Variants in ZMYM2 observed in about 807,000 individuals in gnomAD.
ZMYM2 encodes the protein zinc finger MYM-type containing 2, also known as zinc finger MYM-type protein 2.
ZMYM2 carries 56 observed loss-of-function variants against 162.8 expected under a neutral mutation model. That is an observed-to-expected ratio of 0.34 (90% CI 0.28 to 0.43). The LOEUF is 0.43. ZMYM2 is among the 20% of genes least tolerant of loss of function. The probability of loss-of-function intolerance (pLI) is 1.00; values close to 1 mark genes in which losing one functional copy is unlikely to be tolerated. For missense variants in ZMYM2, 1,275 were observed against 1,621.8 expected (o/e 0.79, Z 3.67); for synonymous variants, 510 against 541.6 (o/e 0.94, Z 0.81).
At chr13:20,047,265 A>G (rs1161869119) in intron 12 of ZMYM2, among the ~76,000 whole-genome samples, 1 of 152,026 alleles carries the variant, frequency 6.6e-6, no homozygotes, top group East Asian at 1.9e-4. Context: ...GTCAGACTGT[A>G]TTTTCTTATA....
At chr13:19,885,631 G>A in the ZMYM2 span, among the ~76,000 whole-genome samples, 3 of 151,988 alleles carry the variant, frequency 2.0e-5, no homozygotes, top group Non-Finnish European at 4.4e-5. Flanking sequence ...ATTGAGGTCA[G>A]GAGTTCGAAA....
chr13:19,975,853 A>G (rs917353496), intron 2 of ZMYM2, among the ~76,000 whole-genome samples: 1 of 142,106 alleles, frequency 7.0e-6, no homozygotes, highest in East Asian at 2.2e-4. Flanking sequence ...TTTTTCCTCC[A>G]TTTTTAAAAT....
chr13:19,949,831 A>G, the ZMYM2 span, among the ~76,000 whole-genome samples: 1 of 148,374 alleles, frequency 6.7e-6, no homozygotes, highest in East Asian at 2.0e-4. Context: ...AGATTGCAGC[A>G]AGTCGAGATC....
intron 9 of ZMYM2, among the ~76,000 whole-genome samples, chr13:20,030,017 A>G (rs1409556257): frequency 6.6e-6 from 1 of 150,998 alleles, no homozygotes. Flanking sequence ...CTGGTCTCGA[A>G]CTCCTGACTT....
At chr13:19,982,783 C>T (rs1482860618) in intron 2 of ZMYM2, among the ~76,000 whole-genome samples, 1 of 152,212 alleles carries the variant, frequency 6.6e-6, no homozygotes, top group Non-Finnish European at 1.5e-5. Context: ...CATTTCAAAA[C>T]TTTGCTTCCT....
the ZMYM2 span, among the ~76,000 whole-genome samples, chr13:19,945,261 T>G: frequency 6.6e-6 from 1 of 151,970 alleles, no homozygotes; most frequent in Non-Finnish European, 1.5e-5. Flanking sequence ...TTTTGGGGGT[T>G]TGGGCAGGGG....
chr13:20,065,296 A>G (rs370092128), intron 19 of ZMYM2, among the ~76,000 whole-genome samples: 4 of 152,224 alleles, frequency 2.6e-5, no homozygotes, highest in South Asian at 2.1e-4. Flanking sequence ...AAACACAACA[A>G]TTAACTCAAA....
At chr13:20,027,364 A>G in intron 9 of ZMYM2, 46 bp downstream of exon 9, 1 of 1,382,908 alleles carries the variant, frequency 7.2e-7, no homozygotes, top group South Asian at 1.3e-5. Flanking sequence ...TAAAATACAC[A>G]TAGAAAATAA....
At chr13:20,028,907 C>G (rs985544261) in intron 9 of ZMYM2, among the ~76,000 whole-genome samples, 1 of 151,628 alleles carries the variant, frequency 6.6e-6, no homozygotes, top group Non-Finnish European at 1.5e-5. Flanking sequence ...AGGAATACAT[C>G]CAGATAGGCC....
chr13:19,956,022 C>A (rs956568495), upstream of ZMYM2, among the ~76,000 whole-genome samples: 4 of 152,202 alleles, frequency 2.6e-5, no homozygotes, highest in Admixed American at 2.0e-4. Context: ...GCAATTCACA[C>A]ATTTAAGGTA....
the ZMYM2 span, among the ~76,000 whole-genome samples, chr13:19,895,077 A>C: frequency 3.9e-4 from 4 of 10,238 alleles, no homozygotes; most frequent in East Asian, 0.014. Context: ...ACTCCATCTC[A>C]AAAAAAAAAA....
At chr13:20,011,712 T>G (rs1443680475) in intron 6 of ZMYM2, among the ~76,000 whole-genome samples, 1 of 151,730 alleles carries the variant, frequency 6.6e-6, no homozygotes, top group African/African-American at 2.4e-5. Context: ...CCCAAGTAGC[T>G]GGGATTACAG....
At chr13:19,912,612 G>A in the ZMYM2 span, among the ~76,000 whole-genome samples, 1 of 152,174 alleles carries the variant, frequency 6.6e-6, no homozygotes, top group South Asian at 2.1e-4. Flanking sequence ...GGGATTACAG[G>A]CATGAGCCAC....
intron 12 of ZMYM2, among the ~76,000 whole-genome samples, chr13:20,038,956 T>A (rs1213839731): frequency 6.6e-6 from 1 of 152,116 alleles, no homozygotes; most frequent in Non-Finnish European, 1.5e-5. Context: ...CTGATTTCTT[T>A]GAGCAGTATT....
intron 7 of ZMYM2, among the ~76,000 whole-genome samples, chr13:20,020,853 A>G (rs968071981): frequency 5.3e-5 from 8 of 152,110 alleles, no homozygotes; most frequent in South Asian, 4.1e-4. Context: ...TTTCGTCTCT[A>G]AAAGTTCCAT....
chr13:19,890,559 CGATTA>C, the ZMYM2 span, among the ~76,000 whole-genome samples: 1 of 135,614 alleles, frequency 7.4e-6, no homozygotes, highest in East Asian at 2.2e-4. Context: ...AATTGGGGAA[CGATTA>C]GATTATTTGT....
intron 2 of ZMYM2, among the ~76,000 whole-genome samples, chr13:19,990,950 C>G (rs575948460): frequency 6.6e-6 from 1 of 152,152 alleles, no homozygotes; most frequent in East Asian, 1.9e-4. Flanking sequence ...TCTGTGAGAT[C>G]AAAATGGTTC....
chr13:19,997,203 A>G (rs1333734622), intron 3 of ZMYM2, among the ~76,000 whole-genome samples: 3 of 152,184 alleles, frequency 2.0e-5, no homozygotes, highest in African/African-American at 7.2e-5. Flanking sequence ...TATTTATATA[A>G]GTTTTAATGG....
At chr13:19,974,004 G>A (rs1347880041) in intron 2 of ZMYM2, among the ~76,000 whole-genome samples, 1 of 152,208 alleles carries the variant, frequency 6.6e-6, no homozygotes, top group African/African-American at 2.4e-5. Context: ...ATGGAAAGAT[G>A]TGCCAGTGTC....
Sources: gnomAD v4.1 joint callset for allele counts (sites outside exome capture counted in the v4.1 genomes callset) on GRCh38, gnomAD v4.1.1 for gene constraint, MANE v1.5 for transcripts, NCBI Gene and HGNC (gene_info 2026-07-23, HGNC 2026-07-21) for gene names.